The following TMEM132C variants were observed in gnomAD, a reference collection of about 807,000 sequenced individuals.
TMEM132C encodes transmembrane protein 132C.
Under a neutral mutation model 61.4 loss-of-function variants are expected in TMEM132C, and 29 were observed. That is an observed-to-expected ratio of 0.47 (90% CI 0.35 to 0.64). TMEM132C has a LOEUF of 0.64. TMEM132C is among the 30% of genes least tolerant of loss of function. TMEM132C has a pLI of 0.00. For missense variants in TMEM132C, 1,408 were observed against 1,476.9 expected, an observed-to-expected ratio of 0.95 and a Z score of 0.76; for synonymous variants, 656 against 633.1, an observed-to-expected ratio of 1.04 and a Z score of -0.54.
intron 4 of TMEM132C, among the ~76,000 whole-genome samples, chr12:128,654,309 C>T (rs181579710): frequency 1.7e-4 from 26 of 152,222 alleles, no homozygotes; most frequent in Non-Finnish European, 2.8e-4. Context: ...ATACACAAGA[C>T]CCAGAATTGC....
chr12:128,401,667 C>A (rs1379544546), intron 1 of TMEM132C, among the ~76,000 whole-genome samples: 1 of 152,194 alleles, frequency 6.6e-6, no homozygotes, highest in Non-Finnish European at 1.5e-5. Flanking sequence ...AATCATTGCC[C>A]TTCTCCCAGT....
chr12:128,321,279 A>C (rs955616348), intron 1 of TMEM132C, among the ~76,000 whole-genome samples: 1 of 152,134 alleles, frequency 6.6e-6, no homozygotes, highest in African/African-American at 2.4e-5. Context: ...ACCGTGTACC[A>C]TGGAATACCA....
At chr12:128,408,906 C>T (rs1267379594) in intron 1 of TMEM132C, among the ~76,000 whole-genome samples, 1 of 152,142 alleles carries the variant, frequency 6.6e-6, no homozygotes, top group Non-Finnish European at 1.5e-5. Flanking sequence ...AGGGTCCTTC[C>T]AGAGGACAGC....
intron 3 of TMEM132C, among the ~76,000 whole-genome samples, chr12:128,560,016 G>A (rs1874458426): frequency 6.6e-6 from 1 of 152,242 alleles, no homozygotes; most frequent in Non-Finnish European, 1.5e-5. Flanking sequence ...GGGAGGCTGA[G>A]GCAGGTGGAT....
chr12:128,335,625 AAG>A (rs1872774332), intron 1 of TMEM132C, among the ~76,000 whole-genome samples: 1 of 152,212 alleles, frequency 6.6e-6, no homozygotes, highest in Non-Finnish European at 1.5e-5. Flanking sequence ...CTCATTTTAA[AAG>A]AGAGGAAAGT....
chr12:128,443,668 A>G (rs1869873671), intron 2 of TMEM132C, among the ~76,000 whole-genome samples: 1 of 152,166 alleles, frequency 6.6e-6, no homozygotes, highest in Non-Finnish European at 1.5e-5. Context: ...GGACAAGGCT[A>G]AAATCCACAG....
intron 2 of TMEM132C, among the ~76,000 whole-genome samples, chr12:128,417,171 T>C (rs938864512): frequency 6.6e-6 from 1 of 152,168 alleles, no homozygotes; most frequent in Non-Finnish European, 1.5e-5. Flanking sequence ...GTAAGTCCTC[T>C]TGCCCCCTGA....
At chr12:128,660,447 G>A (rs1208816759) in intron 4 of TMEM132C, among the ~76,000 whole-genome samples, 9 of 152,182 alleles carry the variant, frequency 5.9e-5, no homozygotes, top group African/African-American at 9.7e-5. Context: ...TGAGATGTGC[G>A]GCCAACTAGT....
chr12:128,616,102 G>C (rs1876789881), intron 3 of TMEM132C, 50 bp from the exon 4 acceptor site: 2 of 1,532,050 alleles, frequency 1.3e-6, no homozygotes, highest in Non-Finnish European at 1.8e-6. Context: ...AGGAGAGAAG[G>C]GTCCTTTGAA....
intron 2 of TMEM132C, among the ~76,000 whole-genome samples, chr12:128,538,185 A>G (rs1005610412): frequency 1.3e-5 from 2 of 152,202 alleles, no homozygotes; most frequent in African/African-American, 4.8e-5. Flanking sequence ...CAGTGGCACA[A>G]TCTCAGCTCA....
intron 1 of TMEM132C, among the ~76,000 whole-genome samples, chr12:128,323,873 G>A (rs538076759): frequency 6.6e-5 from 10 of 152,260 alleles, no homozygotes; most frequent in African/African-American, 2.4e-4. Context: ...GATTAAGAGA[G>A]GAAGAGAGGA....
intron 2 of TMEM132C, among the ~76,000 whole-genome samples, chr12:128,528,922 T>C (rs1873185818): frequency 6.6e-6 from 1 of 152,184 alleles, no homozygotes; most frequent in Non-Finnish European, 1.5e-5. Context: ...GAAAAGTTAC[T>C]GTCAACTGCG....
chr12:128,651,272 C>T (rs1954267356), intron 4 of TMEM132C, among the ~76,000 whole-genome samples: 1 of 152,176 alleles, frequency 6.6e-6, no homozygotes, highest in Non-Finnish European at 1.5e-5. Context: ...ATTGCAGAGT[C>T]TCTTCACATC....
chr12:128,503,343 G>A (rs537499471), intron 2 of TMEM132C, among the ~76,000 whole-genome samples: 15 of 151,846 alleles, frequency 9.9e-5, no homozygotes, highest in South Asian at 4.2e-4. Flanking sequence ...AAGTGTAGGC[G>A]AGGAGCCGAG....
In TMEM132C at chr12:128,352,611, TC is replaced by T. The variant is rs554202439; in HGVS notation, c.86-62117del. ...TCAGGTTGACACATAAAATCAGCCA[TC>T]CCCATAATTACTCAGATGAAGGAGG... is the stretch of plus-strand genomic sequence containing the variant. On this transcript the variant is annotated intron_variant, in intron 1 of 8. Transcript: ENST00000435159. Among the ~76,000 whole-genome samples the T allele has an allele frequency of 2.3e-3, 352 of 152,222 alleles. 4 individuals are homozygous for T. The highest frequency in any genetic ancestry group is 8.1e-3 in the African/African-American group (337 of 41,528).
At chr12:128,302,300 G>A (rs1182308887) in intron 1 of TMEM132C, among the ~76,000 whole-genome samples, 1 of 152,118 alleles carries the variant, frequency 6.6e-6, no homozygotes, top group Non-Finnish European at 1.5e-5. Flanking sequence ...CACAGTGCTG[G>A]CTGATCTTAT....
intron 2 of TMEM132C, among the ~76,000 whole-genome samples, chr12:128,455,548 G>A (rs80277421): frequency 0.01 from 1,556 of 152,322 alleles, 24 homozygotes; most frequent in African/African-American, 0.034. Flanking sequence ...GTATGTGACC[G>A]TAAACGTGTT....
At chr12:128,406,427 G>A (rs1405839098) in intron 1 of TMEM132C, among the ~76,000 whole-genome samples, 2 of 152,168 alleles carry the variant, frequency 1.3e-5, no homozygotes, top group Non-Finnish European at 2.9e-5. Context: ...AGGGAAGATG[G>A]TCATTAACCA....
chr12:128,335,486 T>G (rs1012318969), intron 1 of TMEM132C, among the ~76,000 whole-genome samples: 1 of 152,244 alleles, frequency 6.6e-6, no homozygotes, highest in African/African-American at 2.4e-5. Flanking sequence ...GTCATTATAT[T>G]GAATGGGGCC....
Sources: gnomAD v4.1 joint callset for allele counts (sites outside exome capture counted in the v4.1 genomes callset) on GRCh38, gnomAD v4.1.1 for gene constraint, MANE v1.5 for transcripts, NCBI Gene and HGNC (gene_info 2026-07-23, HGNC 2026-07-21) for gene names.